WDR72: variants seen among roughly 807,000 people sequenced by gnomAD.
The protein encoded by WDR72 is WD repeat-containing protein 72.
Under a neutral mutation model 124.2 loss-of-function variants are expected in WDR72, and 120 were observed. The observed-to-expected ratio is 0.97, with a 90% CI of 0.83 to 1.12. WDR72 has a LOEUF of 1.12. Ranked by LOEUF, WDR72 falls within the 50% of genes most tolerant of loss-of-function variation. WDR72 has a pLI of 0.00. For missense variants in WDR72, 1,387 were observed against 1,278.8 expected, an observed-to-expected ratio of 1.08 and a Z score of -1.29; for synonymous variants, 452 against 441.7, an observed-to-expected ratio of 1.02 and a Z score of -0.29.
chr15:53,586,756 G>A (rs2012233084), intron 18 of WDR72, among the ~76,000 whole-genome samples: 1 of 152,050 alleles, frequency 6.6e-6, no homozygotes, highest in Admixed American at 6.6e-5. Context: ...TCTAATGGTG[G>A]AGACAGAATG....
intron 13 of WDR72, among the ~76,000 whole-genome samples, chr15:53,694,862 C>G (rs893212675): frequency 6.6e-6 from 1 of 152,090 alleles, no homozygotes; most frequent in African/African-American, 2.4e-5. Flanking sequence ...TTAAAAAGAA[C>G]AATCATCATT....
chr15:53,547,482 G>T (rs185966203), intron 18 of WDR72, among the ~76,000 whole-genome samples: 1 of 152,266 alleles, frequency 6.6e-6, no homozygotes, highest in East Asian at 1.9e-4. Context: ...GCTACTGGGT[G>T]ACAGAGCATG....
chr15:53,586,124 G>T (rs1361725354), intron 18 of WDR72, among the ~76,000 whole-genome samples: 1 of 151,948 alleles, frequency 6.6e-6, no homozygotes, highest in African/African-American at 2.4e-5. Context: ...TACATAGCTT[G>T]GGAAACAGAG....
intron 17 of WDR72, among the ~76,000 whole-genome samples, chr15:53,606,180 TC>T (rs1566980220): frequency 1.3e-5 from 2 of 152,140 alleles, no homozygotes; most frequent in African/African-American, 4.8e-5. Context: ...TATTTGAAGG[TC>T]AAATGAACAA....
intron 18 of WDR72, among the ~76,000 whole-genome samples, chr15:53,568,229 A>G (rs1341798740): frequency 1.3e-5 from 2 of 151,820 alleles, no homozygotes; most frequent in African/African-American, 4.8e-5. Context: ...GGGATCACAT[A>G]CAAGTGCATG....
chr15:53,668,245 G>T (rs1468241647), intron 13 of WDR72, among the ~76,000 whole-genome samples: 1 of 152,150 alleles, frequency 6.6e-6, no homozygotes, highest in East Asian at 1.9e-4. Context: ...AAAAAATAAT[G>T]AATATTTTGT....
In WDR72 at chr15:53,626,448, G is replaced by C. The variant is rs115736220; in HGVS notation, c.1963-10205C>G. 1.9e-3 allele frequency among the ~76,000 whole-genome samples: 293 copies of C among 152,294 alleles called. 1 individual carries two copies. Among genetic ancestry groups the C allele is most frequent in the African/African-American group, 6.8e-3 (284 of 41,566 alleles). The stretch of plus-strand genomic sequence containing the variant: ...CCGGATCCAAGGGATGGAAGTCAGC[G>C]GCAGGTCTGCGAGGCGGCAAAGAAC... On this transcript the variant is annotated intron_variant, in intron 14 of 19. Coordinates refer to ENST00000360509, the MANE Select transcript of WDR72 (RefSeq NM_182758.4).
intron 14 of WDR72, among the ~76,000 whole-genome samples, chr15:53,644,199 T>G (rs1464456013): frequency 6.6e-6 from 1 of 151,988 alleles, no homozygotes; most frequent in African/African-American, 2.4e-5. Context: ...AAACACAAAC[T>G]ACACCTCCCA....
Position 53,704,525 on chromosome 15 carries a change from G to T in WDR72, c.1348+463C>A, listed in dbSNP as rs1035996132. Reference sequence around the variant, plus strand: ...TCTGCTTGAGTTTTTTTTGTTTTTGGTTTTGGTTTTTTTTGAGATGGAGTG... The same window carrying T: ...TCTGCTTGAGTTTTTTTTGTTTTTGTTTTTGGTTTTTTTTGAGATGGAGTG... On this transcript the variant is annotated intron_variant, in intron 11 of 19. Transcript: ENST00000360509. Among the ~76,000 whole-genome samples the T allele has an allele frequency of 6.6e-5, 10 of 150,954 alleles. No individual in the cohort carries two copies. In the East Asian group the frequency reaches 9.8e-4, roughly 15 times the overall value.
At chr15:53,681,897 AAAT>A (rs1239150120) in intron 13 of WDR72, among the ~76,000 whole-genome samples, 2 of 152,200 alleles carry the variant, frequency 1.3e-5, no homozygotes, top group Non-Finnish European at 2.9e-5. Flanking sequence ...AAAGTGAATC[AAAT>A]GATGTAGAAT....
intron 14 of WDR72, among the ~76,000 whole-genome samples, chr15:53,638,087 T>C (rs182345166): frequency 7.7e-4 from 118 of 152,314 alleles, no homozygotes; most frequent in African/African-American, 2.7e-3. Context: ...AAGCAGCATT[T>C]TTTTCCTTTT....
At chr15:53,657,958 T>A (rs570017507) in intron 14 of WDR72, among the ~76,000 whole-genome samples, 1 of 152,206 alleles carries the variant, frequency 6.6e-6, no homozygotes, top group Non-Finnish European at 1.5e-5. Context: ...AATAGGAAGA[T>A]AGCTATTTTA....
Position 53,749,347 on chromosome 15 carries a change from C to A in WDR72, c.-13+10286G>T, listed in dbSNP as rs540961270. 3.3e-5 allele frequency among the ~76,000 whole-genome samples: 5 copies of A among 152,098 alleles called. No individual in the cohort carries two copies. The East Asian group carries it at 5.8e-4, about 18-fold the overall frequency. On this transcript the variant is annotated intron_variant, in intron 1 of 19. Transcript: ENST00000360509. ...TATATCTGTTGTGGTGGTCTGTGAT[C>A]GTAAATATCACTACTGTAATTGTTT... is the stretch of plus-strand genomic sequence containing the variant.
intron 14 of WDR72, among the ~76,000 whole-genome samples, chr15:53,630,751 T>C (rs2014393941): frequency 6.6e-6 from 1 of 152,160 alleles, no homozygotes; most frequent in Non-Finnish European, 1.5e-5. Context: ...ACACCTAACA[T>C]AATACTTATG....
intron 18 of WDR72, among the ~76,000 whole-genome samples, chr15:53,550,464 A>C (rs1448969420): frequency 6.6e-6 from 1 of 152,216 alleles, no homozygotes; most frequent in Admixed American, 6.5e-5. Context: ...AGTGATAGTC[A>C]TGATATGAAT....
chr15:53,592,918 AATCATT>A (rs2088618486), intron 18 of WDR72, among the ~76,000 whole-genome samples: 1 of 152,178 alleles, frequency 6.6e-6, no homozygotes, highest in Non-Finnish European at 1.5e-5. Context: ...ATAGCAAAGT[AATCATT>A]ATAAAAACGT....
chr15:53,587,856 T>C (rs1335044734), intron 18 of WDR72, among the ~76,000 whole-genome samples: 1 of 152,054 alleles, frequency 6.6e-6, no homozygotes, highest in African/African-American at 2.4e-5. Context: ...CATGCTCATC[T>C]GTAGCAGGTA....
intron 14 of WDR72, among the ~76,000 whole-genome samples, chr15:53,659,874 A>T (rs1295954590): frequency 2.0e-5 from 3 of 152,118 alleles, no homozygotes; most frequent in African/African-American, 7.2e-5. Context: ...TTATTTCTTT[A>T]TTCCATCTTC....
chr15:53,524,321 C>T (rs1030846526), intron 18 of WDR72, among the ~76,000 whole-genome samples: 9 of 152,046 alleles, frequency 5.9e-5, no homozygotes, highest in Non-Finnish European at 1.5e-5. Flanking sequence ...TATTTATAAA[C>T]CATAAATGCA....
Sources: gnomAD v4.1 joint callset for allele counts (sites outside exome capture counted in the v4.1 genomes callset) on GRCh38, gnomAD v4.1.1 for gene constraint, MANE v1.5 for transcripts, NCBI Gene and HGNC (gene_info 2026-07-23, HGNC 2026-07-21) for gene names.